Variants in CPED1 observed in about 807,000 individuals in gnomAD.
CPED1 encodes cadherin like and PC-esterase domain containing 1.
CPED1 carries 114 observed loss-of-function variants against 128.2 expected under a neutral mutation model. The ratio of observed to expected loss-of-function variants is 0.89; its 90% CI spans 0.76 to 1.04. CPED1 has a LOEUF of 1.04. Ranked by LOEUF, CPED1 falls within the 50% of genes least tolerant of loss-of-function variation. CPED1 has a pLI of 0.00. For missense variants in CPED1, 1,211 were observed against 1,207.1 expected (o/e 1.00, Z -0.05); for synonymous variants, 462 against 426.7 (o/e 1.08, Z -1.02).
intron 16 of CPED1, among the ~76,000 whole-genome samples, chr7:121,229,377 A>T (rs1407543631): frequency 6.6e-6 from 1 of 152,032 alleles, no homozygotes; most frequent in Non-Finnish European, 1.5e-5. Context: ...CATCTTCAGC[A>T]TGAATCACAA....
At position 121,266,830 on chromosome 7, in the gene CPED1, TG is replaced by T. The variant is rs755770359; in HGVS notation, c.2633+23del. On this transcript the variant is annotated intron_variant, in intron 20 of 22. Coordinates refer to ENST00000310396, the MANE Select transcript of CPED1 (RefSeq NM_024913.5). ...AGAGGTAAATGTCTGCAACAATAAT[TG>T]TCATTAGTATTCTAAGTCAAAAAAG... The T allele has an allele frequency of 7.1e-6, 11 of 1,541,954 alleles. No individual in the cohort carries two copies. The East Asian group carries it at 1.8e-4, about 25-fold the overall frequency.
chr7:121,079,035 C>T (rs1246496536), intron 5 of CPED1, among the ~76,000 whole-genome samples: 1 of 152,148 alleles, frequency 6.6e-6, no homozygotes, highest in South Asian at 2.1e-4. Context: ...TCCTGTTCCC[C>T]TCAGGACATC....
chr7:121,282,259 A>G (rs1308727124), intron 22 of CPED1, among the ~76,000 whole-genome samples: 1 of 152,158 alleles, frequency 6.6e-6, no homozygotes, highest in Non-Finnish European at 1.5e-5. Flanking sequence ...TCTTTCACTG[A>G]TGTTTTCTAA....
intron 21 of CPED1, 86 bp from the exon 22 acceptor site, chr7:121,271,198 A>G (rs1179225191): frequency 9.3e-7 from 1 of 1,069,976 alleles, no homozygotes; most frequent in Non-Finnish European, 1.4e-6. Flanking sequence ...AGTAAAAAAG[A>G]CATTTACATA....
At chr7:121,181,624 C>A (rs1194973091) in intron 16 of CPED1, among the ~76,000 whole-genome samples, 1 of 152,000 alleles carries the variant, frequency 6.6e-6, no homozygotes, top group African/African-American at 2.4e-5. Flanking sequence ...CAAAATATCA[C>A]CTTGACTAAT....
chr7:121,259,564 T>C (rs1791963973), intron 18 of CPED1, among the ~76,000 whole-genome samples: 1 of 152,072 alleles, frequency 6.6e-6, no homozygotes, highest in Non-Finnish European at 1.5e-5. Context: ...ACACATTTCT[T>C]TAAATAGATA....
intron 14 of CPED1, among the ~76,000 whole-genome samples, chr7:121,139,366 T>C (rs1795850500): frequency 6.6e-6 from 1 of 151,984 alleles, no homozygotes; most frequent in Non-Finnish European, 1.5e-5. Context: ...CTGAGAAAAC[T>C]ATAGAGTATA....
intron 2 of CPED1, among the ~76,000 whole-genome samples, chr7:121,003,550 G>C (rs911240221): frequency 2.0e-5 from 3 of 152,206 alleles, no homozygotes; most frequent in Non-Finnish European, 4.4e-5. Flanking sequence ...GTAGGAGCAA[G>C]AATCTGGCCA....
chr7:120,995,065 G>A (rs903726070), intron 2 of CPED1, among the ~76,000 whole-genome samples: 6 of 152,050 alleles, frequency 3.9e-5, no homozygotes, highest in Non-Finnish European at 8.8e-5. Flanking sequence ...AACATGTGTA[G>A]AACTAATAAA....
chr7:121,118,562 AAAAAAAAAAAACAGAGAGAGAAAG>A (rs1795308381), intron 7 of CPED1, among the ~76,000 whole-genome samples: 1 of 151,368 alleles, frequency 6.6e-6, no homozygotes, highest in Non-Finnish European at 1.5e-5. Context: ...CTGTCTAAAA[AAAAAAAAAAAACAGAGAGAGAAAG>A]AAAAAAAAAA....
chr7:120,997,165 A>C (rs978249662), intron 2 of CPED1, among the ~76,000 whole-genome samples: 4 of 152,218 alleles, frequency 2.6e-5, no homozygotes, highest in Admixed American at 6.5e-5. Context: ...CACTTCCTTC[A>C]TTATAGCAGC....
chr7:121,058,220 A>G (rs1447798531), intron 4 of CPED1, among the ~76,000 whole-genome samples: 1 of 152,128 alleles, frequency 6.6e-6, no homozygotes, highest in Non-Finnish European at 1.5e-5. Context: ...AGTGGAGAGT[A>G]ATTGGATGAT....
intron 5 of CPED1, chr7:121,083,605 A>G (rs1269349926): frequency 6.6e-6 from 1 of 152,252 alleles, no homozygotes; most frequent in African/African-American, 2.4e-5. Flanking sequence ...ACCTGATTGC[A>G]CAGGTGCTGG....
intron 10 of CPED1, 111 bp downstream of exon 10, chr7:121,127,368 G>A (rs557033714): frequency 5.5e-5 from 36 of 657,410 alleles, no homozygotes; most frequent in Middle Eastern, 4.4e-4. Flanking sequence ...AAATTAATTG[G>A]TATCTATTAT....
chr7:121,197,110 A>T (rs1272271306), intron 16 of CPED1, among the ~76,000 whole-genome samples: 1 of 128,676 alleles, frequency 7.8e-6, no homozygotes, highest in Non-Finnish European at 1.6e-5. Flanking sequence ...TTATTCCTTA[A>T]AAATAATCTT....
chr7:121,171,958 C>G (rs571828441), intron 16 of CPED1, among the ~76,000 whole-genome samples: 7 of 152,296 alleles, frequency 4.6e-5, no homozygotes, highest in South Asian at 4.1e-4. Flanking sequence ...GAATTCCTTT[C>G]TCTTTTAAAA....
At chr7:121,125,919 G>T (rs577164886) in intron 9 of CPED1, 27 bp downstream of exon 9, 2 of 1,465,320 alleles carry the variant, frequency 1.4e-6, no homozygotes, top group Non-Finnish European at 9.6e-7. Context: ...CCTCATGTGA[G>T]CTTCTACCTT....
intron 18 of CPED1, among the ~76,000 whole-genome samples, chr7:121,257,327 C>T (rs1791909435): frequency 6.6e-6 from 1 of 152,008 alleles, no homozygotes; most frequent in South Asian, 2.1e-4. Context: ...ATGAAGCCAG[C>T]TTGGGTGGTA....
intron 12 of CPED1, among the ~76,000 whole-genome samples, chr7:121,130,721 C>CCATTGCT (rs57715430): frequency 0.1 from 15,480 of 151,826 alleles, 811 homozygotes; most frequent in South Asian, 0.17. Context: ...TGAGCAAAAC[C>CCATTGCT]CATTGAATGT....
Sources: gnomAD v4.1 joint callset for allele counts (sites outside exome capture counted in the v4.1 genomes callset) on GRCh38, gnomAD v4.1.1 for gene constraint, MANE v1.5 for transcripts, NCBI Gene and HGNC (gene_info 2026-07-23, HGNC 2026-07-21) for gene names.